The following CSMD1 variants were observed in gnomAD, a reference collection of about 807,000 sequenced individuals.
CSMD1 encodes CUB and Sushi multiple domains 1.
Under a neutral mutation model 417.5 loss-of-function variants are expected in CSMD1, and 213 were observed. The observed-to-expected ratio is 0.51, with a 90% CI of 0.46 to 0.57. CSMD1 has a LOEUF of 0.57. Among genes scored for constraint, CSMD1 ranks in the 20% least tolerant of loss-of-function variants. The pLI is 0.00. For synonymous variants in CSMD1, 2,862 were observed against 1,736.8 expected, an observed-to-expected ratio of 1.65 and a Z score of -16.11; for missense variants, 6,923 against 4,529.7, an observed-to-expected ratio of 1.53 and a Z score of -15.17.
At chr8:4,294,383 T>G (rs1341517625) in intron 3 of CSMD1, among the ~76,000 whole-genome samples, 1 of 152,186 alleles carries the variant, frequency 6.6e-6, no homozygotes, top group African/African-American at 2.4e-5. Flanking sequence ...GTGCAAGATG[T>G]CACCGTTCTT....
chr8:3,083,665 T>TA (rs1814311169), intron 49 of CSMD1, among the ~76,000 whole-genome samples: 4 of 83,656 alleles, frequency 4.8e-5, no homozygotes, highest in Admixed American at 4.0e-4. Context: ...TTTTTTTTTT[T>TA]TTTTTTTTTT....
rs377016229 is a variant in CSMD1, at chr8:4,689,566, C to T, written c.86-52008G>A. 1.8e-3 allele frequency among the ~76,000 whole-genome samples: 269 copies of T among 152,262 alleles called. 12 individuals carry two copies. The South Asian group carries it at 0.042, about 24-fold the overall frequency. On this transcript the variant is annotated intron_variant, in intron 1 of 69. Transcript: ENST00000635120. ...TATTAAGAATATTCAAGTTACAATA[C>T]ATTTTTGAAAAGCTGAATAACACAG...
chr8:4,175,917 T>C (rs763228926), intron 3 of CSMD1, among the ~76,000 whole-genome samples: 2 of 152,156 alleles, frequency 1.3e-5, no homozygotes, highest in South Asian at 4.1e-4. Context: ...CACTTTTCTG[T>C]GTGGTCACTG....
At chr8:4,712,227 C>T (rs1314641400) in intron 1 of CSMD1, among the ~76,000 whole-genome samples, 1 of 152,184 alleles carries the variant, frequency 6.6e-6, no homozygotes, top group Non-Finnish European at 1.5e-5. Flanking sequence ...TACTCATGAT[C>T]CTCAGTGCAA....
chr8:4,144,297 A>T (rs1246177231), intron 3 of CSMD1, among the ~76,000 whole-genome samples: 1 of 151,012 alleles, frequency 6.6e-6, no homozygotes, highest in Non-Finnish European at 1.5e-5. Context: ...CTTAAACAGG[A>T]TACCCCACTT....
At chr8:4,414,917 T>C (rs1796845055) in intron 3 of CSMD1, among the ~76,000 whole-genome samples, 1 of 152,156 alleles carries the variant, frequency 6.6e-6, no homozygotes, top group Non-Finnish European at 1.5e-5. Flanking sequence ...AATTCAGAAT[T>C]CATTTAATCC....
intron 5 of CSMD1, among the ~76,000 whole-genome samples, chr8:3,915,035 A>G (rs757042383): frequency 1.3e-5 from 2 of 152,130 alleles, no homozygotes; most frequent in Non-Finnish European, 2.9e-5. Flanking sequence ...TTCTACAAAC[A>G]CATCCAGGGA....
At chr8:4,155,560 C>T (rs1401098278) in intron 3 of CSMD1, among the ~76,000 whole-genome samples, 4 of 152,126 alleles carry the variant, frequency 2.6e-5, no homozygotes, top group Admixed American at 1.3e-4. Flanking sequence ...TGTCTTAGAA[C>T]GAACGTTCTT....
At chr8:4,295,495 T>TAC (rs1797626048) in intron 3 of CSMD1, among the ~76,000 whole-genome samples, 1 of 140,802 alleles carries the variant, frequency 7.1e-6, no homozygotes, top group Non-Finnish European at 1.5e-5. Flanking sequence ...TAAGATTAAA[T>TAC]ATATCTTATA....
rs528806303 is a variant in CSMD1 at position 3,442,559 on chromosome 8, G to C, written c.1561+26153C>G. Among the ~76,000 whole-genome samples the C allele has an allele frequency of 2.0e-5, 3 of 152,224 alleles. No individual in the cohort carries two copies. In the East Asian group the frequency reaches 5.8e-4, roughly 29 times the overall value. On this transcript the variant is annotated intron_variant, in intron 12 of 69. Transcript: ENST00000635120. ...TTACAGTCACATGCTGTACAGGTTT[G>C]GAGCCTAGGAACAATAGGCTGTACC...
intron 25 of CSMD1, among the ~76,000 whole-genome samples, chr8:3,285,019 T>G (rs913072108): frequency 1.3e-5 from 2 of 152,162 alleles, no homozygotes; most frequent in South Asian, 4.1e-4. Flanking sequence ...GGACTCACAT[T>G]CAGAGGCAGC....
chr8:3,883,464 GT>G (rs1563175206), intron 5 of CSMD1, among the ~76,000 whole-genome samples: 1 of 152,074 alleles, frequency 6.6e-6, no homozygotes, highest in African/African-American at 2.4e-5. Context: ...GTGTATAAGT[GT>G]GTATATATGT....
intron 11 of CSMD1, among the ~76,000 whole-genome samples, chr8:3,490,856 T>C (rs572019836): frequency 1.3e-5 from 2 of 150,038 alleles, no homozygotes; most frequent in African/African-American, 2.5e-5. Context: ...ACTCTGTTTT[T>C]AAAAATAAAA....
At chr8:3,374,437 AT>A (rs1563323877) in intron 18 of CSMD1, among the ~76,000 whole-genome samples, 2 of 152,224 alleles carry the variant, frequency 1.3e-5, no homozygotes, top group African/African-American at 4.8e-5. Flanking sequence ...CAAAGTTTAC[AT>A]TCTAATGGGG....
intron 11 of CSMD1, among the ~76,000 whole-genome samples, chr8:3,488,853 G>C: frequency 6.6e-6 from 1 of 152,048 alleles, no homozygotes; most frequent in Non-Finnish European, 1.5e-5. Context: ...AAAATAATTG[G>C]GATCATGTGA....
At chr8:3,910,557 G>A (rs766973124) in intron 5 of CSMD1, among the ~76,000 whole-genome samples, 87 of 152,188 alleles carry the variant, frequency 5.7e-4, no homozygotes, top group Non-Finnish European at 1.0e-3. Context: ...AGAATAACTT[G>A]AGCAGACAGT....
chr8:4,404,122 G>C (rs371980663), intron 3 of CSMD1, among the ~76,000 whole-genome samples: 2 of 152,068 alleles, frequency 1.3e-5, no homozygotes, highest in African/African-American at 4.8e-5. Flanking sequence ...AGAATTCCAC[G>C]CGAGTGTTTA....
At chr8:3,048,955 C>T (rs914092394) in intron 50 of CSMD1, among the ~76,000 whole-genome samples, 11 of 149,638 alleles carry the variant, frequency 7.4e-5, no homozygotes, top group African/African-American at 2.7e-4. Flanking sequence ...AAAAGACAAA[C>T]AGATGGCAAC....
chr8:4,535,985 A>G (rs546575490), intron 2 of CSMD1, among the ~76,000 whole-genome samples: 2 of 150,800 alleles, frequency 1.3e-5, no homozygotes, highest in African/African-American at 4.9e-5. Context: ...TTATCTTAAA[A>G]TAAATAAAAG....
Sources: allele counts gnomAD v4.1 joint callset (sites outside exome capture counted in the v4.1 genomes callset), GRCh38; gene constraint gnomAD v4.1.1; transcripts MANE v1.5; gene names NCBI Gene and HGNC (gene_info 2026-07-23, HGNC 2026-07-21).